Variants in CDKAL1 observed in about 807,000 individuals in gnomAD.
CDKAL1 encodes threonylcarbamoyladenosine tRNA methylthiotransferase.
CDKAL1 carries 32 observed loss-of-function variants against 68.2 expected under a neutral mutation model. The ratio of observed to expected loss-of-function variants is 0.47; its 90% CI spans 0.35 to 0.63. The LOEUF (loss-of-function observed/expected upper bound fraction) is 0.63. CDKAL1 is among the 30% of genes least tolerant of loss of function. The pLI, the probability that CDKAL1 is intolerant of heterozygous loss-of-function variation, is 0.00. For synonymous variants in CDKAL1, 234 were observed against 244.3 expected, an observed-to-expected ratio of 0.96 and a Z score of 0.39; for missense variants, 606 against 696.7, an observed-to-expected ratio of 0.87 and a Z score of 1.47.
chr6:20,943,957 G>A (rs1764112757), intron 9 of CDKAL1, among the ~76,000 whole-genome samples: 1 of 152,106 alleles, frequency 6.6e-6, no homozygotes, highest in South Asian at 2.1e-4. Flanking sequence ...CAATAGTTTA[G>A]CCCACATCAG....
chr6:21,119,766 C>G (rs1347753910), intron 13 of CDKAL1, among the ~76,000 whole-genome samples: 1 of 152,128 alleles, frequency 6.6e-6, no homozygotes, highest in Non-Finnish European at 1.5e-5. Flanking sequence ...AGCTTGGGCT[C>G]TTCAACATGG....
chr6:20,823,195 G>A (rs1352871109), intron 8 of CDKAL1, among the ~76,000 whole-genome samples: 2 of 152,022 alleles, frequency 1.3e-5, no homozygotes, highest in Non-Finnish European at 2.9e-5. Flanking sequence ...CTTACTCAAG[G>A]CCTGTCTAAA....
intron 4 of CDKAL1, among the ~76,000 whole-genome samples, chr6:20,590,068 G>A (rs185010079): frequency 2.0e-5 from 3 of 152,172 alleles, no homozygotes; most frequent in African/African-American, 7.2e-5. Context: ...AAATATTTAA[G>A]GTACTTAAAA....
chr6:21,117,776 A>G (rs1168293428), intron 13 of CDKAL1, among the ~76,000 whole-genome samples: 1 of 152,196 alleles, frequency 6.6e-6, no homozygotes, highest in Non-Finnish European at 1.5e-5. Flanking sequence ...AGCACCCACA[A>G]TGGAATGAAA....
At chr6:20,695,508 A>G (rs1044739184) in intron 5 of CDKAL1, among the ~76,000 whole-genome samples, 1 of 152,152 alleles carries the variant, frequency 6.6e-6, no homozygotes, top group African/African-American at 2.4e-5. Context: ...CCAGATATCA[A>G]GTTATAACAG....
chr6:20,823,008 A>G (rs1777349618), intron 8 of CDKAL1, among the ~76,000 whole-genome samples: 1 of 152,186 alleles, frequency 6.6e-6, no homozygotes, highest in Non-Finnish European at 1.5e-5. Context: ...TTGCCTTTCT[A>G]ACCAGACTCT....
At chr6:20,973,802 C>T (rs577075793) in intron 10 of CDKAL1, among the ~76,000 whole-genome samples, 1 of 152,068 alleles carries the variant, frequency 6.6e-6, no homozygotes, top group East Asian at 1.9e-4. Flanking sequence ...TCATGGTCTC[C>T]CTATGATGCC....
intron 11 of CDKAL1, among the ~76,000 whole-genome samples, chr6:21,062,995 AC>A (rs1305885825): frequency 2.0e-5 from 3 of 152,020 alleles, no homozygotes; most frequent in Non-Finnish European, 4.4e-5. Context: ...GCTCACTGCA[AC>A]CTCCACCTCC....
At chr6:20,556,894 C>T (rs1036035225) in intron 4 of CDKAL1, among the ~76,000 whole-genome samples, 9 of 151,512 alleles carry the variant, frequency 5.9e-5, no homozygotes, top group Admixed American at 5.9e-4. Context: ...AAAAATTAGC[C>T]GGGCATGGTG....
At chr6:21,190,978 A>ATAT (rs1316812015) in intron 13 of CDKAL1, among the ~76,000 whole-genome samples, 2 of 152,228 alleles carry the variant, frequency 1.3e-5, no homozygotes, top group Non-Finnish European at 2.9e-5. Context: ...TTATAAAGAG[A>ATAT]AGAGCAACTT....
chr6:20,702,131 G>C (rs1771390817), intron 5 of CDKAL1, among the ~76,000 whole-genome samples: 1 of 152,100 alleles, frequency 6.6e-6, no homozygotes, highest in Admixed American at 6.6e-5. Flanking sequence ...CAGTGAAATG[G>C]GAAAGGTTCC....
At chr6:21,200,907 A>G (rs1778660355) in intron 14 of CDKAL1, 1 of 424,338 alleles carries the variant, frequency 2.4e-6, no homozygotes, top group Admixed American at 3.8e-5. Flanking sequence ...GCCTTCGGTT[A>G]ATAATATTAA....
intron 6 of CDKAL1, among the ~76,000 whole-genome samples, chr6:20,743,357 T>TA (rs1477188800): frequency 6.6e-6 from 1 of 152,140 alleles, no homozygotes; most frequent in Non-Finnish European, 1.5e-5. Flanking sequence ...GCGATTAAAA[T>TA]AAAAAACTTC....
chr6:20,999,790 A>C (rs2150816991), intron 10 of CDKAL1, among the ~76,000 whole-genome samples: 1 of 152,184 alleles, frequency 6.6e-6, no homozygotes, highest in East Asian at 1.9e-4. Flanking sequence ...TGTTAACCTA[A>C]ATTTGGAAAC....
intron 4 of CDKAL1, among the ~76,000 whole-genome samples, chr6:20,644,349 G>A (rs191334518): frequency 6.6e-6 from 1 of 152,096 alleles, no homozygotes; most frequent in East Asian, 1.9e-4. Context: ...TAAATAAGAT[G>A]TCCTAATACA....
At chr6:20,723,059 C>A (rs1249383899) in intron 5 of CDKAL1, among the ~76,000 whole-genome samples, 2 of 152,174 alleles carry the variant, frequency 1.3e-5, no homozygotes, top group African/African-American at 4.8e-5. Flanking sequence ...CCATCAACTG[C>A]AGGTACCCAG....
chr6:21,154,614 A>C (rs1196882085), intron 13 of CDKAL1, among the ~76,000 whole-genome samples: 1 of 152,210 alleles, frequency 6.6e-6, no homozygotes, highest in Non-Finnish European at 1.5e-5. Flanking sequence ...TCTTGTCTAC[A>C]TGAAATGGAA....
At chr6:21,227,167 G>A (rs988158231) in intron 15 of CDKAL1, among the ~76,000 whole-genome samples, 7 of 152,208 alleles carry the variant, frequency 4.6e-5, no homozygotes, top group Admixed American at 1.3e-4. Context: ...TACGCTTGTC[G>A]TGTGTGTGTC....
Position 21,000,256 on chromosome 6 carries a change from A to C in CDKAL1, c.939A>C (p.Arg313Ser). The change falls in exon 11 of 16, where the codon AGA becomes AGC. Residue 313 changes from arginine to serine, a missense_variant. Transcript: ENST00000274695. ...EEMAKILNHP[R>S]VYAFLHIPVQ... ...TGGCAAAAATCCTTAATCACCCCAG[A>C]GTCTACGCTTTTCTGCACATACCAG... 1.2e-6 allele frequency: 2 copies of C among 1,613,774 alleles called. No individual in the cohort carries two copies. Among genetic ancestry groups the C allele is most frequent in the Non-Finnish European group, 1.7e-6 (2 of 1,179,816 alleles).
Sources: gnomAD v4.1 joint callset for allele counts (sites outside exome capture counted in the v4.1 genomes callset) on GRCh38, gnomAD v4.1.1 for gene constraint, MANE v1.5 for transcripts, NCBI Gene and HGNC (gene_info 2026-07-23, HGNC 2026-07-21) for gene names.